The following CEACAM18 variants were observed in gnomAD, a reference collection of about 807,000 sequenced individuals.
CEACAM18 encodes CEA cell adhesion molecule 18, also known as cell adhesion molecule CEACAM18.
In CEACAM18, 33 loss-of-function variants were observed where a neutral mutation model predicts 34.3. The ratio of observed to expected loss-of-function variants is 0.96; its 90% CI spans 0.73 to 1.29. CEACAM18 has a LOEUF of 1.29. Ranked by LOEUF, CEACAM18 falls within the 50% of genes most tolerant of loss-of-function variation. CEACAM18 has a pLI of 0.00. For synonymous variants in CEACAM18, 169 were observed against 180.9 expected (o/e 0.93, Z 0.53); for missense variants, 474 against 485.0 (o/e 0.98, Z 0.21).
chr19:51,489,329 C>A (rs192710686), intron 5 of CEACAM18, among the ~76,000 whole-genome samples: 1 of 151,368 alleles, frequency 6.6e-6, no homozygotes, highest in Non-Finnish European at 1.5e-5. Context: ...CTTTCCCTGC[C>A]CCCAGTAATA....
intron 1 of CEACAM18, among the ~76,000 whole-genome samples, chr19:51,479,637 C>T (rs1989873254): frequency 6.6e-6 from 1 of 152,082 alleles, no homozygotes; most frequent in Admixed American, 6.6e-5. Context: ...CTGACCCAGG[C>T]TGGGGTGGAG....
At chr19:51,478,956 A>ACACG (rs1555774723) in intron 1 of CEACAM18, among the ~76,000 whole-genome samples, 1 of 102,606 alleles carries the variant, frequency 9.7e-6, no homozygotes, top group Non-Finnish European at 2.1e-5. Context: ...ACGCACATGC[A>ACACG]CACACACACA....
intron 1 of CEACAM18, among the ~76,000 whole-genome samples, chr19:51,479,679 T>C (rs1989873888): frequency 6.6e-6 from 1 of 151,814 alleles, no homozygotes; most frequent in Admixed American, 6.6e-5. Context: ...GAGTGATGAA[T>C]AGAAGTGAGT....
exon 6 of CEACAM18, chr19:51,490,832 T>C: frequency 2.5e-6 from 1 of 393,272 alleles, no homozygotes; most frequent in Non-Finnish European, 4.5e-6. Context: ...GATGATGTCG[T>C]GGGTAGCGTG....
chr19:51,480,513 C>T (rs540431301), exon 2 of CEACAM18: 8 of 1,613,976 alleles, frequency 5.0e-6, no homozygotes, highest in African/African-American at 2.7e-5. Flanking sequence ...AGCCACAAAC[C>T]GCCCAGTGCC....
intron 3 of CEACAM18, 52 bp from the exon 4 acceptor site, chr19:51,482,965 G>A (rs1217028413): frequency 1.3e-6 from 2 of 1,587,660 alleles, no homozygotes; most frequent in Non-Finnish European, 8.6e-7. Flanking sequence ...TCATGAGACG[G>A]GACGCCGAGG....
chr19:51,481,656 A>G lies in CEACAM18; in HGVS notation c.664A>G (p.Thr222Ala), dbSNP rs193221524. The G allele has an allele frequency of 8.1e-6, 13 of 1,611,192 alleles. No homozygotes were observed. In the African/African-American group the frequency reaches 1.2e-4, roughly 15 times the overall value. ...TCAGAGAAGTGAACGCATCTCTCTGACTGTGGCCTGTGAGTGGTCTGGGCT... is the reference window on the plus strand; with the variant it reads ...TCAGAGAAGTGAACGCATCTCTCTGGCTGTGGCCTGTGAGTGGTCTGGGCT... The change falls in exon 3 of 6, where the codon ACT (threonine) becomes GCT (alanine). Residue 222 changes from threonine (T) to alanine (A), a missense_variant. Thr to Ala is a moderately conservative substitution (Grantham distance 58, BLOSUM62 0). Coordinates refer to ENST00000396477, the Ensembl canonical transcript of CEACAM18.
upstream of CEACAM18, chr19:51,478,573 C>A: frequency 7.2e-7 from 1 of 1,397,726 alleles, no homozygotes; most frequent in African/African-American, 1.4e-5. Flanking sequence ...AGACACAGGT[C>A]TTGGAGGGAG....
Position 51,484,969 on chromosome 19 carries a change from G to C in CEACAM18, c.954-18G>C, listed in dbSNP as rs1374541718. On this transcript the variant is annotated intron_variant, in intron 4 of 5. Transcript: ENST00000396477. The stretch of plus-strand genomic sequence containing the variant: ...GGGTCAATCGTGGTCCTGACCCCCA[G>C]GTGTCCTCTTCCTTCAGGGATCTTA... 2 of 1,536,068 alleles carry C rather than the reference G, an allele frequency of 1.3e-6. No homozygotes were observed. Among genetic ancestry groups the C allele is most frequent in the Non-Finnish European group, 8.7e-7 (1 of 1,146,880 alleles).
upstream of CEACAM18, chr19:51,478,597 T>A: frequency 6.5e-7 from 1 of 1,528,382 alleles, no homozygotes; most frequent in Non-Finnish European, 9.0e-7. Context: ...AGGAGGTGGC[T>A]GTGTCTCTGG....
At chr19:51,490,677 G>C (rs935106347) in exon 6 of CEACAM18, 23 of 1,208,764 alleles carry the variant, frequency 1.9e-5, no homozygotes, top group Non-Finnish European at 2.4e-5. Context: ...AGAAGGGCTG[G>C]GGGTCCCCAT....
intron 3 of CEACAM18, among the ~76,000 whole-genome samples, chr19:51,481,997 T>A (rs916789045): frequency 6.6e-6 from 1 of 152,232 alleles, no homozygotes; most frequent in Non-Finnish European, 1.5e-5. Context: ...TGATGTTCAA[T>A]TATTAAGTTT....
intron 1 of CEACAM18, among the ~76,000 whole-genome samples, chr19:51,479,921 C>T (rs545420808): frequency 6.6e-6 from 1 of 152,108 alleles, no homozygotes; most frequent in African/African-American, 2.4e-5. Context: ...CAAGGAGGCT[C>T]GATGAGTCAC....
At chr19:51,484,857 G>A in intron 4 of CEACAM18, 130 bp from the exon 5 acceptor site, 1 of 1,166,504 alleles carries the variant, frequency 8.6e-7, no homozygotes, top group Non-Finnish European at 1.2e-6. Flanking sequence ...CCTCGTACCT[G>A]GAACAGTGCT....
At position 51,485,128 on chromosome 19, in the gene CEACAM18, C is replaced by A; in HGVS notation, c.1089+6C>A. 1 of 1,499,886 alleles carries A rather than the reference C, an allele frequency of 6.7e-7. No homozygotes were observed. The highest frequency in any genetic ancestry group is 1.3e-5 in the South Asian group (1 of 77,946). The allele number at this position is 1,499,886 out of a possible 1,614,324, so 92.9% of individuals were successfully genotyped here. On this transcript the variant is annotated splice_donor_region_variant and intron_variant, in intron 5 of 5. Coordinates refer to ENST00000396477, the Ensembl canonical transcript of CEACAM18. ...ATCAACCACTACTCAATCAGGTGCC[C>A]TCATTGCTCTGGGACAAGGGTGGGA... is the stretch of plus-strand genomic sequence containing the variant.
intron 3 of CEACAM18, among the ~76,000 whole-genome samples, chr19:51,481,932 T>C (rs901533208): frequency 6.6e-6 from 1 of 152,208 alleles, no homozygotes; most frequent in Non-Finnish European, 1.5e-5. Context: ...TGTGCCTTTG[T>C]TGAGGTCTGC....
exon 3 of CEACAM18, chr19:51,481,584 T>G: frequency 6.2e-7 from 1 of 1,614,022 alleles, no homozygotes; most frequent in Non-Finnish European, 8.5e-7. Flanking sequence ...GGTCAGCCGC[T>G]ATGACAGAAC....
chr19:51,486,204 G>A lies in CEACAM18; in HGVS notation c.1089+1082G>A, dbSNP rs145022307. ...GTTGCTAGTGATGGTGACATTGGTA[G>A]TGATGATGACAATGGTGATGATGAT... On this transcript the variant is annotated intron_variant, in intron 5 of 5. Transcript: ENST00000396477. 3.8e-4 allele frequency among the ~76,000 whole-genome samples: 58 copies of A among 152,146 alleles called. 2 individuals are homozygous for A. The East Asian group carries it at 0.011, about 28-fold the overall frequency.
exon 3 of CEACAM18, chr19:51,481,636 G>A: frequency 6.2e-7 from 1 of 1,613,564 alleles, no homozygotes; most frequent in Non-Finnish European, 8.5e-7. Flanking sequence ...ATCTTTCAGA[G>A]AAGTGAACGC....
Sources: gnomAD v4.1 joint callset for allele counts (sites outside exome capture counted in the v4.1 genomes callset) on GRCh38, gnomAD v4.1.1 for gene constraint, MANE v1.5 for transcripts, NCBI Gene and HGNC (gene_info 2026-07-23, HGNC 2026-07-21) for gene names.